PTGER3: variants seen among roughly 807,000 people sequenced by gnomAD.
PTGER3 encodes the protein prostaglandin E receptor 3.
A neutral mutation model predicts 34.7 loss-of-function variants in PTGER3; 22 were observed. The ratio of observed to expected loss-of-function variants is 0.63; its 90% confidence interval spans 0.45 to 0.91. The LOEUF (loss-of-function observed/expected upper bound fraction) is 0.91, where lower values mean the gene tolerates loss of function less well. Among genes scored for constraint, PTGER3 ranks in the 40% least tolerant of loss-of-function variants. The probability of loss-of-function intolerance (pLI) is 0.00; values close to 1 mark genes in which losing one functional copy is unlikely to be tolerated. For missense variants in PTGER3, 468 were observed against 519.4 expected, an observed-to-expected ratio of 0.90 and a Z score of 0.96; for synonymous variants, 241 against 230.1, an observed-to-expected ratio of 1.05 and a Z score of -0.43.
rs1657493972 is a variant in PTGER3, at chr1:71,012,072, A to G, written c.1077+233T>C. 44 of 1,457,972 alleles carry G rather than the reference A, an allele frequency of 3.0e-5. No homozygotes were observed. The South Asian group carries it at 6.1e-4, about 20-fold the overall frequency. The allele number at this position is 1,457,972 out of a possible 1,614,324, so 90.3% of individuals were successfully genotyped here. On this transcript the variant is annotated intron_variant, in intron 2 of 3. Coordinates refer to ENST00000306666, the MANE Select transcript of PTGER3 (RefSeq NM_198719.2). ...TACTTTTGGCACATAGGGATTTTCT[A>G]TGCTTCTAAGACCATTTAGCTTTAT...
rs1553177514 is a variant in PTGER3, at chr1:71,020,697, A to AGAGTGTGT, written c.898-8214_898-8213insACACACTC. Among the ~76,000 whole-genome samples, 311 of 144,880 alleles carry AGAGTGTGT rather than the reference A, an allele frequency of 2.1e-3. 1 individual carries two copies. Among genetic ancestry groups the AGAGTGTGT allele is most frequent in the African/African-American group, 7.4e-3 (290 of 39,402 alleles). ...ATGAAGCTTTGGTGTATGTTAGCAG[A>AGAGTGTGT]GTGTGTGTGTGTGTGTGTGTGTGTG... On this transcript the variant is annotated intron_variant, in intron 1 of 3. Transcript: ENST00000306666.
intron 4 of PTGER3, among the ~76,000 whole-genome samples, chr1:70,935,716 G>A (rs1490484567): frequency 2.8e-5 from 4 of 141,822 alleles, no homozygotes; most frequent in African/African-American, 5.7e-5. Context: ...TGCCTTTTAA[G>A]CATTCAGAAT....
chr1:71,045,884 G>A (rs1418533721), intron 1 of PTGER3, among the ~76,000 whole-genome samples: 3 of 151,984 alleles, frequency 2.0e-5, no homozygotes, highest in African/African-American at 4.8e-5. Flanking sequence ...CATCAAGAAT[G>A]AACCTTGAAG....
downstream of PTGER3, among the ~76,000 whole-genome samples, chr1:70,969,435 A>G (rs1652862215): frequency 6.6e-6 from 1 of 152,176 alleles, no homozygotes; most frequent in African/African-American, 2.4e-5. Context: ...CAAACACTAC[A>G]CTAGTGCCAA....
At chr1:70,966,519 G>A (rs532962553), downstream of PTGER3, among the ~76,000 whole-genome samples, 10 of 152,036 alleles carry the variant, frequency 6.6e-5, no homozygotes, top group Admixed American at 1.3e-4. Flanking sequence ...TGCACAAAAC[G>A]TGCAGGTTTG....
intron 4 of PTGER3, among the ~76,000 whole-genome samples, chr1:70,917,812 T>C (rs1353552317): frequency 6.6e-6 from 1 of 152,086 alleles, no homozygotes; most frequent in Admixed American, 6.6e-5. Context: ...AAGTTGAATA[T>C]TTTTACATAC....
chr1:70,988,253 C>CTA (rs1655106938), intron 2 of PTGER3, among the ~76,000 whole-genome samples: 1 of 152,104 alleles, frequency 6.6e-6, no homozygotes, highest in African/African-American at 2.4e-5. Context: ...CATAAAATAA[C>CTA]CCATAGGAAG....
intron 1 of PTGER3, among the ~76,000 whole-genome samples, chr1:71,024,509 A>G (rs1288814644): frequency 6.6e-6 from 1 of 152,178 alleles, no homozygotes; most frequent in South Asian, 2.1e-4. Flanking sequence ...GGCCAAGCCC[A>G]GTAGATTAAT....
Position 70,971,264 on chromosome 1 carries a change from T to C in PTGER3, c.*466A>G. The C allele has an allele frequency of 1.0e-6, 1 of 985,860 alleles. No homozygotes were observed. The highest frequency in any genetic ancestry group is 4.7e-5 in the South Asian group (1 of 21,300). The allele number at this position is 985,860 out of a possible 1,614,324, so 61.1% of individuals were successfully genotyped here. A position where few individuals can be genotyped will look rare whatever the true frequency, so the allele number is the denominator to read the frequency against. On this transcript the variant is annotated 3_prime_UTR_variant, in exon 4 of 4. Coordinates refer to ENST00000306666, the MANE Select transcript of PTGER3 (RefSeq NM_198719.2). ...CATTTGCTTTTATATGTCGTTAAGTTCATATCCTATTAATTGAATTATCAC... is the reference window on the plus strand; with the variant it reads ...CATTTGCTTTTATATGTCGTTAAGTCCATATCCTATTAATTGAATTATCAC...
intron 4 of PTGER3, among the ~76,000 whole-genome samples, chr1:70,915,928 A>G (rs1036604313): frequency 2.6e-5 from 4 of 152,170 alleles, no homozygotes; most frequent in Non-Finnish European, 5.9e-5. Flanking sequence ...AGCAAAACAA[A>G]CTATCAACTG....
At chr1:70,977,537 C>T (rs1407168527) in intron 2 of PTGER3, among the ~76,000 whole-genome samples, 1 of 152,032 alleles carries the variant, frequency 6.6e-6, no homozygotes, top group African/African-American at 2.4e-5. Context: ...ATGGTCTGTG[C>T]TGTCACCTTC....
intron 2 of PTGER3, among the ~76,000 whole-genome samples, chr1:70,999,360 G>C (rs1242598511): frequency 6.6e-6 from 1 of 152,194 alleles, no homozygotes; most frequent in Non-Finnish European, 1.5e-5. Context: ...GTGGAAATCA[G>C]AGAGCAGTCA....
chr1:70,925,105 A>G (rs1391655808), intron 4 of PTGER3, among the ~76,000 whole-genome samples: 1 of 152,132 alleles, frequency 6.6e-6, no homozygotes, highest in Admixed American at 6.5e-5. Context: ...CTTAGATTCA[A>G]GCGATTCTCC....
chr1:71,018,855 A>G (rs372460774), intron 1 of PTGER3, among the ~76,000 whole-genome samples: 1 of 152,138 alleles, frequency 6.6e-6, no homozygotes. Flanking sequence ...TCCTATTGAG[A>G]ATGCAATGAT....
At chr1:70,872,789 T>C (rs1000182057) in intron 4 of PTGER3, among the ~76,000 whole-genome samples, 3 of 152,218 alleles carry the variant, frequency 2.0e-5, no homozygotes, top group Non-Finnish European at 4.4e-5. Flanking sequence ...TGCCACACCA[T>C]AGAGTTGTGC....
At position 70,924,783 on chromosome 1, in the gene PTGER3, T is replaced by C. The variant is rs143075722; in HGVS notation, c.*23+28980A>G. 8.8e-4 allele frequency among the ~76,000 whole-genome samples: 134 copies of C among 152,258 alleles called. 1 individual carries two copies. The highest frequency in any genetic ancestry group is 3.0e-3 in the African/African-American group (125 of 41,566). On this transcript the variant is annotated intron_variant, in intron 4 of 4. Transcript: ENST00000370931. Reference sequence around the variant, plus strand: ...ATGGAGTAGCCATTCTTTTTTTCCTTTACTTTCCTAATAAACTTGCTTTCA... The same window carrying C: ...ATGGAGTAGCCATTCTTTTTTTCCTCTACTTTCCTAATAAACTTGCTTTCA...
At chr1:70,990,833 G>A (rs1655409452) in intron 2 of PTGER3, among the ~76,000 whole-genome samples, 1 of 152,054 alleles carries the variant, frequency 6.6e-6, no homozygotes, top group Admixed American at 6.5e-5. Context: ...CATATAATAT[G>A]GAGATTAATA....
At chr1:71,013,702 CA>C (rs111381892) in intron 1 of PTGER3, among the ~76,000 whole-genome samples, 14,067 of 105,468 alleles carry the variant, frequency 0.13, 763 homozygotes, top group African/African-American at 0.2. Flanking sequence ...AACTCTGTCT[CA>C]AAAAAAAAAA....
At chr1:70,897,470 T>G (rs143880576) in intron 4 of PTGER3, among the ~76,000 whole-genome samples, 2 of 152,186 alleles carry the variant, frequency 1.3e-5, no homozygotes, top group Non-Finnish European at 2.9e-5. Flanking sequence ...GATCAAATAA[T>G]TGAACCACAG....
Sources: allele counts gnomAD v4.1 joint callset (sites outside exome capture counted in the v4.1 genomes callset), GRCh38; gene constraint gnomAD v4.1.1; transcripts MANE v1.5; gene names NCBI Gene and HGNC (gene_info 2026-07-23, HGNC 2026-07-21).